The following PTPRN2 variants were observed in gnomAD, a reference collection of about 807,000 sequenced individuals.
PTPRN2 encodes the protein protein tyrosine phosphatase receptor type N2.
In PTPRN2, 74 loss-of-function variants were observed where a neutral mutation model predicts 118.8. The ratio of observed to expected loss-of-function variants is 0.62; its 90% CI spans 0.52 to 0.76. PTPRN2 has a LOEUF of 0.76. Among genes scored for constraint, PTPRN2 ranks in the 30% least tolerant of loss-of-function variants. PTPRN2 has a pLI of 0.00. For missense variants in PTPRN2, 1,481 were observed against 1,394.4 expected, an observed-to-expected ratio of 1.06 and a Z score of -0.99; for synonymous variants, 641 against 608.0, an observed-to-expected ratio of 1.05 and a Z score of -0.80.
intron 12 of PTPRN2, among the ~76,000 whole-genome samples, chr7:157,745,208 C>T (rs1800850312): frequency 6.6e-6 from 1 of 152,184 alleles, no homozygotes; most frequent in Non-Finnish European, 1.5e-5. Flanking sequence ...AACGGTGGCC[C>T]CTGGGCAGAC....
chr7:158,519,587 C>A (rs1823832926), intron 1 of PTPRN2, among the ~76,000 whole-genome samples: 1 of 152,214 alleles, frequency 6.6e-6, no homozygotes, highest in Middle Eastern at 3.4e-3. Context: ...CATTCTCCAG[C>A]ACTCTCCTGC....
rs138836883 is a variant in PTPRN2 at position 157,540,758 on chromosome 7, C to T, written c.3004G>A (p.Val1002Met). 31 of 1,569,244 alleles carry T rather than the reference C, an allele frequency of 2.0e-5. No homozygotes were observed. The highest frequency in any genetic ancestry group is 6.8e-5 in the African/African-American group (5 of 73,826). Residue 1002 changes from valine (V) to methionine (M), a missense_variant, in exon 23 of 23, where the codon GTG becomes ATG. Transcript: ENST00000389418. ...KEQFEFALTA[V>M]AEEVNAILKA... ...AGGATGGCGTTCACCTCCTCAGCCA[C>T]GGCTGTCAGCGCGAACTCAAACTGC...
rs1384244016 is a variant in PTPRN2 at position 157,552,317 on chromosome 7, G to A, written c.2903-3298C>T. Among the ~76,000 whole-genome samples the A allele has an allele frequency of 5.9e-5, 9 of 152,200 alleles. 1 individual carries two copies. Among genetic ancestry groups the A allele is most frequent in the Non-Finnish European group, 1.3e-4 (9 of 68,038 alleles). On this transcript the variant is annotated intron_variant, in intron 21 of 22. Coordinates refer to ENST00000389418, the MANE Select transcript of PTPRN2 (RefSeq NM_002847.5). Reference sequence around the variant, plus strand: ...TCTATGTATTTTTACATATTTCTATGTACAGGGAAACCTGCCCTCTCATTT... The same window carrying A: ...TCTATGTATTTTTACATATTTCTATATACAGGGAAACCTGCCCTCTCATTT...
At chr7:157,667,990 C>T (rs543870634) in intron 13 of PTPRN2, among the ~76,000 whole-genome samples, 31 of 152,342 alleles carry the variant, frequency 2.0e-4, no homozygotes, top group African/African-American at 5.3e-4. Flanking sequence ...CACCCAGAGC[C>T]CCCACCCTGA....
At chr7:158,579,562 A>T (rs1029074490) in intron 1 of PTPRN2, among the ~76,000 whole-genome samples, 1 of 152,226 alleles carries the variant, frequency 6.6e-6, no homozygotes, top group African/African-American at 2.4e-5. Context: ...TATGAGTGCA[A>T]GTGCAAACTG....
At chr7:157,720,665 G>A (rs998272365) in intron 12 of PTPRN2, among the ~76,000 whole-genome samples, 10 of 152,286 alleles carry the variant, frequency 6.6e-5, no homozygotes, top group African/African-American at 1.7e-4. Context: ...AGGTGCCCTC[G>A]TCTCCATCAA....
intron 11 of PTPRN2, among the ~76,000 whole-genome samples, chr7:158,077,598 C>A (rs1343740344): frequency 6.7e-6 from 1 of 150,006 alleles, no homozygotes; most frequent in Non-Finnish European, 1.5e-5. Context: ...CAGAGACACA[C>A]CCTCCGTGGC....
At chr7:158,263,162 ACATT>A (rs777026183) in intron 3 of PTPRN2, among the ~76,000 whole-genome samples, 16 of 151,380 alleles carry the variant, frequency 1.1e-4, no homozygotes, top group Non-Finnish European at 1.9e-4. Flanking sequence ...ACACAGTCAC[ACATT>A]CACACACACT....
chr7:157,583,962 C>T lies in PTPRN2; in HGVS notation c.2497-5822G>A, dbSNP rs1265018706. Among the ~76,000 whole-genome samples the T allele has an allele frequency of 2.6e-5, 4 of 151,598 alleles. No homozygotes were observed. Among genetic ancestry groups the T allele is most frequent in the Non-Finnish European group, 4.4e-5 (3 of 67,972 alleles). The stretch of plus-strand genomic sequence containing the variant: ...CTTAAAATAAGCTCTCCTGAAGCCC[C>T]ACAGAGACCTGATTTAAGGGAAGAT... On this transcript the variant is annotated intron_variant, in intron 17 of 22. Coordinates refer to ENST00000389418, the MANE Select transcript of PTPRN2 (RefSeq NM_002847.5). This position sits in a 1 kb window ranked among gnomAD's most constrained non-coding sequence, Gnocchi z 5.5.
chr7:158,395,777 GC>G (rs1812423864), intron 2 of PTPRN2, among the ~76,000 whole-genome samples: 1 of 128,436 alleles, frequency 7.8e-6, no homozygotes. Context: ...GAGGGGTGAG[GC>G]GCGAGGGGCG....
At chr7:158,316,749 G>T in intron 3 of PTPRN2, 70 bp downstream of exon 3, 1 of 1,179,976 alleles carries the variant, frequency 8.5e-7, no homozygotes, top group Non-Finnish European at 1.2e-6. Context: ...TCACCGCCCA[G>T]GAGGAGAAGC....
At chr7:158,171,308 CATAT>C (rs71198580) in intron 5 of PTPRN2, among the ~76,000 whole-genome samples, 1,247 of 48,622 alleles carry the variant, frequency 0.026, 135 homozygotes, top group Middle Eastern at 0.037. Flanking sequence ...TATATACACA[CATAT>C]ATATATATAT....
chr7:157,762,069 G>GCAAT (rs1417546747), intron 12 of PTPRN2, among the ~76,000 whole-genome samples: 4 of 151,988 alleles, frequency 2.6e-5, no homozygotes, highest in Non-Finnish European at 4.4e-5. Flanking sequence ...AGTTAGAATG[G>GCAAT]CAATCATTAA....
chr7:157,594,390 CG>C (rs1048538180), intron 17 of PTPRN2, among the ~76,000 whole-genome samples: 6 of 107,522 alleles, frequency 5.6e-5, no homozygotes, highest in African/African-American at 2.8e-4. Context: ...CCAGGAGGCC[CG>C]GGCTTTGGAT....
intron 6 of PTPRN2, among the ~76,000 whole-genome samples, chr7:158,150,190 G>C (rs1045235107): frequency 1.3e-5 from 2 of 152,218 alleles, no homozygotes; most frequent in Admixed American, 1.3e-4. Context: ...CAGTGTGTGT[G>C]AGACCCACCT....
At chr7:158,486,993 T>C (rs1821079780) in intron 2 of PTPRN2, among the ~76,000 whole-genome samples, 1 of 152,194 alleles carries the variant, frequency 6.6e-6, no homozygotes, top group East Asian at 1.9e-4. Context: ...AACTTGACTA[T>C]CTTTAGTACG....
intron 6 of PTPRN2, among the ~76,000 whole-genome samples, chr7:158,146,611 C>T (rs1820053136): frequency 6.7e-6 from 1 of 150,040 alleles, no homozygotes. Flanking sequence ...GTCCCAGCTA[C>T]TCAGGAGCCT....
chr7:157,664,143 C>T (rs1200052950), intron 13 of PTPRN2, among the ~76,000 whole-genome samples: 1 of 152,238 alleles, frequency 6.6e-6, no homozygotes, highest in Non-Finnish European at 1.5e-5. Context: ...ACTCCTCACT[C>T]TTCATTGAAA....
chr7:158,018,966 C>CAAAAAAAAAAAAAAAAAAA (rs753498681), intron 11 of PTPRN2, among the ~76,000 whole-genome samples: 1 of 65,830 alleles, frequency 1.5e-5, no homozygotes. Flanking sequence ...GTTTCAAAAA[C>CAAAAAAAAAAAAAAAAAAA]AAAAAAAAAA....
Sources: allele counts gnomAD v4.1 joint callset (sites outside exome capture counted in the v4.1 genomes callset), GRCh38; gene constraint gnomAD v4.1.1; non-coding constraint Gnocchi (gnomAD v3.1); transcripts MANE v1.5; gene names NCBI Gene and HGNC (gene_info 2026-07-23, HGNC 2026-07-21).